Variants in CSMD1 observed in about 807,000 individuals in gnomAD.
The protein encoded by CSMD1 is CUB and Sushi multiple domains 1, also known as CUB and sushi domain-containing protein 1.
In CSMD1, 213 loss-of-function variants were observed where a neutral mutation model predicts 417.5. The observed-to-expected ratio is 0.51, with a 90% confidence interval of 0.46 to 0.57. The LOEUF (loss-of-function observed/expected upper bound fraction) is 0.57, where lower values mean the gene tolerates loss of function less well. CSMD1 is among the 20% of genes least tolerant of loss of function. CSMD1 has a pLI of 0.00. For synonymous variants in CSMD1, 2,862 were observed against 1,736.8 expected, an observed-to-expected ratio of 1.65 and a Z score of -16.11; for missense variants, 6,923 against 4,529.7, an observed-to-expected ratio of 1.53 and a Z score of -15.17.
At chr8:3,055,791 G>T (rs1026151675) in intron 49 of CSMD1, among the ~76,000 whole-genome samples, 1 of 152,116 alleles carries the variant, frequency 6.6e-6, no homozygotes, top group African/African-American at 2.4e-5. Context: ...TTTTGTTTGG[G>T]AGCACAGGCC....
intron 3 of CSMD1, among the ~76,000 whole-genome samples, chr8:4,229,200 TCAAATAC>T (rs748328248): frequency 2.5e-4 from 38 of 152,260 alleles, no homozygotes; most frequent in Admixed American, 1.8e-3. Flanking sequence ...TCCTTTTCTG[TCAAATAC>T]CAAATCAGCA....
chr8:4,026,167 T>G (rs1428070218), intron 4 of CSMD1, among the ~76,000 whole-genome samples: 2 of 152,194 alleles, frequency 1.3e-5, no homozygotes, highest in Admixed American at 6.5e-5. Flanking sequence ...ATTTACACAT[T>G]TACAAGAATT....
intron 4 of CSMD1, among the ~76,000 whole-genome samples, chr8:4,004,073 C>A (rs1345516785): frequency 2.0e-5 from 3 of 152,060 alleles, no homozygotes; most frequent in Non-Finnish European, 4.4e-5. Context: ...AATGTCTGAT[C>A]TGTGAAAAAG....
At chr8:4,909,328 T>C (rs918780341) in intron 1 of CSMD1, among the ~76,000 whole-genome samples, 1 of 152,096 alleles carries the variant, frequency 6.6e-6, no homozygotes, top group East Asian at 1.9e-4. Context: ...TACCTCCTTT[T>C]ACCTCCTTGC....
At chr8:4,213,531 G>A (rs1435122078) in intron 3 of CSMD1, among the ~76,000 whole-genome samples, 1 of 152,182 alleles carries the variant, frequency 6.6e-6, no homozygotes, top group Non-Finnish European at 1.5e-5. Flanking sequence ...ATGTAGAAAT[G>A]ACAGACACAC....
At chr8:4,049,809 T>A in intron 3 of CSMD1, among the ~76,000 whole-genome samples, 1 of 151,822 alleles carries the variant, frequency 6.6e-6, no homozygotes, top group East Asian at 1.9e-4. Flanking sequence ...TAGCTTTGTA[T>A]GGACATTTCT....
chr8:4,173,206 AT>A (rs1797862190), intron 3 of CSMD1, among the ~76,000 whole-genome samples: 2 of 152,184 alleles, frequency 1.3e-5, no homozygotes, highest in African/African-American at 4.8e-5. Context: ...TGAATTTCAG[AT>A]AAACGACCAA....
intron 5 of CSMD1, among the ~76,000 whole-genome samples, chr8:3,879,682 A>T (rs1430828307): frequency 6.6e-6 from 1 of 152,184 alleles, no homozygotes; most frequent in Non-Finnish European, 1.5e-5. Context: ...TTGACGTCAC[A>T]TAGTTCTCAG....
At chr8:3,864,259 T>C (rs943826877) in intron 5 of CSMD1, among the ~76,000 whole-genome samples, 1 of 152,188 alleles carries the variant, frequency 6.6e-6, no homozygotes, top group Non-Finnish European at 1.5e-5. Flanking sequence ...ATTAAACTCC[T>C]GTGGGAATCA....
intron 7 of CSMD1, among the ~76,000 whole-genome samples, chr8:3,635,241 C>G (rs1014770346): frequency 1.3e-5 from 2 of 151,946 alleles, no homozygotes; most frequent in Non-Finnish European, 2.9e-5. Context: ...TTTCAGAATC[C>G]TAGGTGGGTG....
chr8:4,594,195 CTTTTT>C lies in CSMD1; in HGVS notation c.302+43142_302+43146del, dbSNP rs771415822. ...TTAACTTGATTAATTCTAAAGTGAT[CTTTTT>C]TTTTTTTTTTTTTTTTTCTCTGAGA... On this transcript the variant is annotated intron_variant, in intron 2 of 69. Transcript: ENST00000635120. Among the ~76,000 whole-genome samples, 29 of 92,374 alleles carry C rather than the reference CTTTTT, an allele frequency of 3.1e-4. 1 individual carries two copies. Among genetic ancestry groups the C allele is most frequent in the Admixed American group, 1.5e-3 (11 of 7,514 alleles). 60.6% of individuals were successfully genotyped at this position (92,374 alleles called of 152,430 possible).
At chr8:4,900,477 C>T (rs1315854191) in intron 1 of CSMD1, among the ~76,000 whole-genome samples, 3 of 152,160 alleles carry the variant, frequency 2.0e-5, no homozygotes, top group African/African-American at 4.8e-5. Flanking sequence ...CTACCCTTCC[C>T]CTTCACCCTG....
chr8:3,300,976 AAAAAAG>A (rs1489141383), intron 25 of CSMD1, among the ~76,000 whole-genome samples: 3 of 149,780 alleles, frequency 2.0e-5, no homozygotes, highest in Non-Finnish European at 4.4e-5. Flanking sequence ...AAAAAAAAAA[AAAAAAG>A]AGAAAGAAAA....
At chr8:4,061,164 T>C (rs1189207249) in intron 3 of CSMD1, among the ~76,000 whole-genome samples, 1 of 152,142 alleles carries the variant, frequency 6.6e-6, no homozygotes, top group Non-Finnish European at 1.5e-5. Context: ...CCCCTTACGA[T>C]GGAAAATCCC....
intron 4 of CSMD1, among the ~76,000 whole-genome samples, chr8:4,019,696 T>C (rs1173286082): frequency 6.6e-5 from 10 of 152,166 alleles, no homozygotes; most frequent in Admixed American, 4.6e-4. Context: ...GCTCCTGCTT[T>C]GTCAGTTATT....
intron 12 of CSMD1, among the ~76,000 whole-genome samples, chr8:3,430,696 A>G (rs1391001202): frequency 6.6e-6 from 1 of 152,078 alleles, no homozygotes; most frequent in Non-Finnish European, 1.5e-5. Flanking sequence ...AATCCCAGCT[A>G]CTCAGGAGGC....
At chr8:3,465,455 G>C (rs528474743) in intron 12 of CSMD1, among the ~76,000 whole-genome samples, 3 of 152,228 alleles carry the variant, frequency 2.0e-5, no homozygotes, top group Admixed American at 6.5e-5. Flanking sequence ...AGGTCCTCCT[G>C]GTCCACGTGT....
chr8:4,777,692 G>A (rs1165162610), intron 1 of CSMD1, among the ~76,000 whole-genome samples: 2 of 152,140 alleles, frequency 1.3e-5, no homozygotes, highest in Non-Finnish European at 2.9e-5. Flanking sequence ...TAAAAACAAT[G>A]GTGAAACTGC....
At chr8:4,774,524 A>G (rs1196162269) in intron 1 of CSMD1, among the ~76,000 whole-genome samples, 3 of 152,214 alleles carry the variant, frequency 2.0e-5, no homozygotes, top group East Asian at 1.9e-4. Flanking sequence ...ATAAAAAAGA[A>G]TATCATCATG....
Sources: gnomAD v4.1 joint callset for allele counts (sites outside exome capture counted in the v4.1 genomes callset) on GRCh38, gnomAD v4.1.1 for gene constraint, MANE v1.5 for transcripts, NCBI Gene and HGNC (gene_info 2026-07-23, HGNC 2026-07-21) for gene names.